The following TOMM7 variants were observed in gnomAD, a reference collection of about 807,000 sequenced individuals.
TOMM7 encodes the protein translocase of outer mitochondrial membrane 7, also known as mitochondrial import receptor subunit TOM7 homolog.
A neutral mutation model predicts 9.5 loss-of-function variants in TOMM7; 8 were observed. That is an observed-to-expected ratio of 0.84 (90% CI 0.49 to 1.51). The LOEUF is 1.51. Among genes scored for constraint, TOMM7 ranks in the 40% most tolerant of loss-of-function variants. The pLI, the probability that TOMM7 is intolerant of heterozygous loss-of-function variation, is 0.00. For missense variants in TOMM7, 74 were observed against 63.7 expected (o/e 1.16, Z -0.55); for synonymous variants, 27 against 21.4 (o/e 1.26, Z -0.72).
At chr7:22,819,330 C>G (rs1209089532) in intron 1 of TOMM7, among the ~76,000 whole-genome samples, 2 of 150,626 alleles carry the variant, frequency 1.3e-5, no homozygotes, top group Non-Finnish European at 3.0e-5. Flanking sequence ...TAAAAGATAA[C>G]AAACTGGCCT....
chr7:22,815,135 GGTTA>G (rs1782300565), intron 2 of TOMM7, among the ~76,000 whole-genome samples: 1 of 152,072 alleles, frequency 6.6e-6, no homozygotes, highest in Non-Finnish European at 1.5e-5. Flanking sequence ...AGATCAAGAG[GGTTA>G]GTATCAGGAA....
chr7:22,817,842 G>A, intron 2 of TOMM7, 158 bp downstream of exon 2: 1 of 605,710 alleles, frequency 1.7e-6, no homozygotes, highest in East Asian at 2.9e-5. Context: ...AAATTAGGAG[G>A]GGGAAGAGAA....
In TOMM7 at chr7:22,822,756, G is replaced by A. The variant is rs754831020; in HGVS notation, c.24C>T (p.Ala8=). The A allele has an allele frequency of 5.0e-6, 8 of 1,614,078 alleles. No individual in the cohort carries two copies. Among genetic ancestry groups the A allele is most frequent in the Non-Finnish European group, 6.8e-6 (8 of 1,180,018 alleles). The change falls in exon 1 of 3, where the codon GCC becomes GCT. Residue 8 remains alanine, a synonymous_variant. Transcript: ENST00000358435. ...TGAAGAGCTGCTGTAGTCTCTGCTT[G>A]GCCTCTTTGCTCAGCTTCACCATGG... MVKLSKE[A]KQRLQQLFKG...
At chr7:22,815,460 C>T (rs1394900267) in intron 2 of TOMM7, among the ~76,000 whole-genome samples, 2 of 151,370 alleles carry the variant, frequency 1.3e-5, no homozygotes, top group Admixed American at 6.6e-5. Flanking sequence ...CATTGGGAGG[C>T]CCAGGTGGGA....
intron 2 of TOMM7, among the ~76,000 whole-genome samples, chr7:22,817,115 G>A (rs1782326260): frequency 6.6e-6 from 1 of 152,208 alleles, no homozygotes; most frequent in South Asian, 2.1e-4. Flanking sequence ...CAGTAGTCAT[G>A]GTCATCATAG....
chr7:22,813,541 A>G (rs540056408), intron 2 of TOMM7, among the ~76,000 whole-genome samples: 1 of 152,244 alleles, frequency 6.6e-6, no homozygotes, highest in South Asian at 2.1e-4. Flanking sequence ...GTAATACTAA[A>G]ATAACATTTA....
Position 22,822,679 on chromosome 7 carries a change from A to T in TOMM7, c.101T>A (p.Leu34Gln). The change falls in exon 1 of 3, where the codon CTG (leucine) becomes CAG (glutamine). Residue 34 changes from leucine to glutamine, a missense_variant and splice_region_variant. Transcript: ENST00000358435. The part of the protein sequence containing the change: ...RWGFIPLVIY[L>Q]GFKRGADPGM... ...TTCCCGGTTCTTCTCCCACTGACCCAGGTAAATCACAAGAGGGATAAAGCC... is the reference window on the plus strand; with the variant it reads ...TTCCCGGTTCTTCTCCCACTGACCCTGGTAAATCACAAGAGGGATAAAGCC... 1 of 1,612,636 alleles carries T rather than the reference A, an allele frequency of 6.2e-7. No homozygotes were observed. Among genetic ancestry groups the T allele is most frequent in the Non-Finnish European group, 8.5e-7 (1 of 1,178,670 alleles).
chr7:22,818,436 C>T (rs1475589425), intron 1 of TOMM7: 1 of 160,816 alleles, frequency 6.2e-6, no homozygotes, highest in Admixed American at 6.3e-5. Context: ...TGCTGCCACA[C>T]CCAGCTAAAT....
chr7:22,815,782 C>A (rs897694624), intron 2 of TOMM7, among the ~76,000 whole-genome samples: 1 of 151,658 alleles, frequency 6.6e-6, no homozygotes, highest in East Asian at 1.9e-4. Context: ...GAGTTTGAGA[C>A]CAGACTAGGC....
At chr7:22,822,326 G>A in intron 1 of TOMM7, 1 of 1,501,852 alleles carries the variant, frequency 6.7e-7, no homozygotes, top group Admixed American at 2.2e-5. Context: ...ATGGAGCGGT[G>A]AGGAAAAACA....
In TOMM7 at chr7:22,818,025, C is replaced by A; in HGVS notation, c.127G>T (p.Gly43Ter). Residue 43 changes from glycine (G) to a stop codon, truncating the protein, a stop_gained, in exon 2 of 3, where the codon GGA becomes TGA. Coordinates refer to ENST00000358435, the MANE Select transcript of TOMM7 (RefSeq NM_019059.5). LOFTEE classifies it high-confidence loss of function. Reference sequence around the variant, plus strand: ...CTCAAAACAGTTGGTTCAGGCATTCCGGGATCTGCACCCCTCTTAAATCCT... The same window carrying A: ...CTCAAAACAGTTGGTTCAGGCATTCAGGGATCTGCACCCCTCTTAAATCCT... ...YLGFKRGADP[G>*]MPEPTVLSLL... 4 of 1,613,906 alleles carry A rather than the reference C, an allele frequency of 2.5e-6. No individual in the cohort carries two copies. The highest frequency in any genetic ancestry group is 3.4e-6 in the Non-Finnish European group (4 of 1,179,928).
At chr7:22,816,596 G>C (rs1466570136) in intron 2 of TOMM7, among the ~76,000 whole-genome samples, 1 of 152,242 alleles carries the variant, frequency 6.6e-6, no homozygotes, top group African/African-American at 2.4e-5. Flanking sequence ...AAGATCATTT[G>C]TTGAAAAACT....
At chr7:22,818,213 A>G (rs1782341706) in intron 1 of TOMM7, 165 bp from the exon 2 acceptor site, 3 of 595,928 alleles carry the variant, frequency 5.0e-6, no homozygotes, top group Non-Finnish European at 9.1e-6. Context: ...GAAGTCTCCA[A>G]TCTTCATTAG....
chr7:22,813,821 G>A (rs974150676), intron 2 of TOMM7, among the ~76,000 whole-genome samples: 1 of 136,742 alleles, frequency 7.3e-6, no homozygotes, highest in African/African-American at 3.0e-5. Flanking sequence ...GTGTAGGAAG[G>A]AGAAAAGAGA....
intron 2 of TOMM7, among the ~76,000 whole-genome samples, chr7:22,817,090 C>T (rs1035848460): frequency 6.6e-6 from 1 of 152,020 alleles, no homozygotes; most frequent in Non-Finnish European, 1.5e-5. Context: ...AGGAGAAATC[C>T]GATTCACTAG....
intron 2 of TOMM7, among the ~76,000 whole-genome samples, chr7:22,815,196 T>C (rs2286506): frequency 0.4 from 61,276 of 151,836 alleles, 13,815 homozygotes; most frequent in East Asian, 0.64. Context: ...TGAAAAGCAG[T>C]AGGACAGGGA....
chr7:22,817,033 G>C (rs191440863), intron 2 of TOMM7, among the ~76,000 whole-genome samples: 11 of 152,326 alleles, frequency 7.2e-5, no homozygotes, highest in African/African-American at 2.4e-4. Context: ...AATAGTCAGT[G>C]AACAGTCTGT....
chr7:22,821,968 C>A (rs1442061972), intron 1 of TOMM7, among the ~76,000 whole-genome samples: 1 of 152,082 alleles, frequency 6.6e-6, no homozygotes, highest in East Asian at 1.9e-4. Context: ...CCACTGCACT[C>A]CAGTCTGGGT....
chr7:22,822,423 T>A (rs987329730), intron 1 of TOMM7: 4 of 821,664 alleles, frequency 4.9e-6, no homozygotes, highest in African/African-American at 3.5e-5. Flanking sequence ...TCCCGAGAAA[T>A]ATGACCTCCA....
Sources: gnomAD v4.1 joint callset for allele counts (sites outside exome capture counted in the v4.1 genomes callset) on GRCh38, gnomAD v4.1.1 for gene constraint, MANE v1.5 for transcripts, NCBI Gene and HGNC (gene_info 2026-07-23, HGNC 2026-07-21) for gene names.